The following ATP2C1 variants were observed in gnomAD, a reference collection of about 807,000 sequenced individuals.
ATP2C1 encodes ATPase secretory pathway Ca2+ transporting 1.
In ATP2C1, 31 loss-of-function variants were observed where a neutral mutation model predicts 120.5. The observed-to-expected ratio is 0.26, with a 90% CI of 0.19 to 0.35. The LOEUF (loss-of-function observed/expected upper bound fraction) is 0.35, where lower values mean the gene tolerates loss of function less well. Among genes scored for constraint, ATP2C1 ranks in the 10% least tolerant of loss-of-function variants. ATP2C1 has a pLI of 1.00. For missense variants in ATP2C1, 731 were observed against 1,107.5 expected, an observed-to-expected ratio of 0.66 and a Z score of 4.83; for synonymous variants, 351 against 358.7, an observed-to-expected ratio of 0.98 and a Z score of 0.24.
intron 20 of ATP2C1, 116 bp downstream of exon 20, chr3:130,980,795 A>C: frequency 1.3e-6 from 1 of 793,150 alleles, no homozygotes; most frequent in Non-Finnish European, 2.1e-6. Flanking sequence ...AATAACCACC[A>C]GATTTGTTGG....
chr3:130,857,794 A>G (rs555617874), intron 1 of ATP2C1, among the ~76,000 whole-genome samples: 1 of 152,218 alleles, frequency 6.6e-6, no homozygotes, highest in Non-Finnish European at 1.5e-5. Flanking sequence ...ATTTGCATAT[A>G]TGATGGGGAG....
In ATP2C1 at chr3:130,937,593, A is replaced by G. The variant is rs1407056111; in HGVS notation, c.360+130A>G. 52 of 786,560 alleles carry G rather than the reference A, an allele frequency of 6.6e-5. No individual in the cohort carries two copies. In the East Asian group the frequency reaches 1.3e-3, roughly 20 times the overall value. The allele number at this position is 786,560 out of a possible 1,614,324, so 48.7% of individuals were successfully genotyped here. On this transcript the variant is annotated intron_variant, in intron 6 of 27. Coordinates refer to ENST00000510168, the MANE Select transcript of ATP2C1 (RefSeq NM_001378687.1). ...AGAACAACTTATTCTTTGTTTTTCAAGTAATTTCAGATACAGACAACTCTT... is the reference window on the plus strand; with the variant it reads ...AGAACAACTTATTCTTTGTTTTTCAGGTAATTTCAGATACAGACAACTCTT...
At chr3:130,904,707 T>C (rs1029618413) in intron 2 of ATP2C1, among the ~76,000 whole-genome samples, 3 of 152,012 alleles carry the variant, frequency 2.0e-5, no homozygotes. Flanking sequence ...CATCATACTT[T>C]ACATGGGCAA....
chr3:131,003,994 C>T (rs1434813962), downstream of ATP2C1, among the ~76,000 whole-genome samples: 3 of 152,156 alleles, frequency 2.0e-5, no homozygotes, highest in African/African-American at 7.2e-5. Context: ...AACTGGTTAT[C>T]TTTTCATTAC....
chr3:130,982,102 T>C (rs978868937), intron 20 of ATP2C1, among the ~76,000 whole-genome samples: 3 of 152,204 alleles, frequency 2.0e-5, no homozygotes, highest in South Asian at 2.1e-4. Flanking sequence ...TAACCCAGGT[T>C]CACAAAGATT....
At chr3:130,936,054 A>G (rs932797056) in intron 5 of ATP2C1, among the ~76,000 whole-genome samples, 1 of 152,224 alleles carries the variant, frequency 6.6e-6, no homozygotes, top group African/African-American at 2.4e-5. Context: ...AGGAAAGGCA[A>G]CTGGCAGAAT....
chr3:130,902,528 A>G (rs2057910087), intron 2 of ATP2C1, among the ~76,000 whole-genome samples: 2 of 151,190 alleles, frequency 1.3e-5, no homozygotes, highest in Non-Finnish European at 3.0e-5. Context: ...CTTAAATTTT[A>G]CTTTTTAGCC....
intron 2 of ATP2C1, chr3:130,929,723 G>GTTAAACAGTT (rs1033489710): frequency 3.2e-5 from 5 of 153,942 alleles, no homozygotes; most frequent in African/African-American, 1.2e-4. Context: ...CTAGAGTTGT[G>GTTAAACAGTT]TTAAACAGTT....
At chr3:130,985,964 G>A (rs1418239191) in intron 20 of ATP2C1, among the ~76,000 whole-genome samples, 1 of 152,008 alleles carries the variant, frequency 6.6e-6, no homozygotes, top group Non-Finnish European at 1.5e-5. Context: ...TTCCTATCCT[G>A]TGATTGTGAT....
intron 17 of ATP2C1, among the ~76,000 whole-genome samples, chr3:130,970,094 G>A (rs959973605): frequency 6.6e-6 from 1 of 152,168 alleles, no homozygotes; most frequent in African/African-American, 2.4e-5. Flanking sequence ...AAGGCGGGTG[G>A]ATCACCTGAG....
exon 27 of ATP2C1, chr3:131,016,312 G>A: frequency 6.2e-7 from 1 of 1,613,966 alleles, no homozygotes; most frequent in African/African-American, 1.3e-5. Context: ...CAACATCTTA[G>A]CACCATCTTC....
At chr3:130,929,971 C>G (rs1236345771) in intron 2 of ATP2C1, 1 of 256,824 alleles carries the variant, frequency 3.9e-6, no homozygotes, top group Non-Finnish European at 7.6e-6. Flanking sequence ...AGCCAGTTGT[C>G]TTTTCTGGGT....
chr3:130,895,352 G>A (rs1453123474), intron 2 of ATP2C1, among the ~76,000 whole-genome samples: 1 of 152,208 alleles, frequency 6.6e-6, no homozygotes, highest in Non-Finnish European at 1.5e-5. Context: ...TTAGGAGGCT[G>A]ACAGCGGAAC....
intron 20 of ATP2C1, among the ~76,000 whole-genome samples, chr3:130,990,544 C>T (rs2062281664): frequency 6.6e-6 from 1 of 151,936 alleles, no homozygotes; most frequent in Non-Finnish European, 1.5e-5. Context: ...TCATGAGGGA[C>T]CCGGTAGATA....
chr3:131,007,680 A>G (rs1404851891), downstream of ATP2C1, among the ~76,000 whole-genome samples: 1 of 152,218 alleles, frequency 6.6e-6, no homozygotes, highest in African/African-American at 2.4e-5. Flanking sequence ...ACTTTCTATT[A>G]AAGTTTTCTC....
intron 10 of ATP2C1, among the ~76,000 whole-genome samples, 197 bp downstream of exon 10, chr3:130,955,277 G>A (rs549834343): frequency 6.6e-6 from 1 of 152,220 alleles, no homozygotes; most frequent in Non-Finnish European, 1.5e-5. Context: ...GTATTCTAAA[G>A]GATTTTGAGC....
At chr3:130,915,529 A>G (rs2058649991) in intron 2 of ATP2C1, among the ~76,000 whole-genome samples, 1 of 152,230 alleles carries the variant, frequency 6.6e-6, no homozygotes, top group Admixed American at 6.5e-5. Context: ...AGTACCAGCT[A>G]TATGCCAGGC....
chr3:130,945,909 T>C (rs1478584561), intron 8 of ATP2C1, among the ~76,000 whole-genome samples: 1 of 151,936 alleles, frequency 6.6e-6, no homozygotes, highest in African/African-American at 2.4e-5. Context: ...GGGTTTTTTT[T>C]TTTTTTTGGT....
At chr3:131,013,380 C>G (rs528297572) in intron 26 of ATP2C1, among the ~76,000 whole-genome samples, 2 of 152,276 alleles carry the variant, frequency 1.3e-5, no homozygotes, top group East Asian at 3.9e-4. Flanking sequence ...ATTAATGGGT[C>G]AAAATCTGTA....
Sources: allele counts gnomAD v4.1 joint callset (sites outside exome capture counted in the v4.1 genomes callset), GRCh38; gene constraint gnomAD v4.1.1; transcripts MANE v1.5; gene names NCBI Gene and HGNC (gene_info 2026-07-23, HGNC 2026-07-21).